The following WASHC5 variants were observed in gnomAD, a reference collection of about 807,000 sequenced individuals.
WASHC5 encodes WASH complex subunit 5.
In WASHC5, 101 loss-of-function variants were observed where a neutral mutation model predicts 150.4. The observed-to-expected ratio is 0.67, with a 90% CI of 0.57 to 0.79. WASHC5 has a LOEUF of 0.79. Ranked by LOEUF, WASHC5 falls within the 30% of genes least tolerant of loss-of-function variation. WASHC5 has a pLI of 0.00. For missense variants in WASHC5, 1,195 were observed against 1,396.3 expected (o/e 0.86, Z 2.30); for synonymous variants, 467 against 491.2 (o/e 0.95, Z 0.65).
intron 21 of WASHC5, 124 bp downstream of exon 21, chr8:125,044,412 A>G: frequency 9.6e-7 from 1 of 1,046,344 alleles, no homozygotes; most frequent in Non-Finnish European, 1.5e-6. Context: ...TAGGTATCAT[A>G]TGCCTAAAGT....
chr8:125,064,188 G>T (rs968640362), intron 10 of WASHC5, among the ~76,000 whole-genome samples: 2 of 151,650 alleles, frequency 1.3e-5, no homozygotes, highest in African/African-American at 4.8e-5. Context: ...ACAAGTAATT[G>T]TGTTTATTGT....
At chr8:125,034,189 C>T (rs1815628398) in intron 26 of WASHC5, among the ~76,000 whole-genome samples, 1 of 151,952 alleles carries the variant, frequency 6.6e-6, no homozygotes, top group African/African-American at 2.4e-5. Flanking sequence ...AACAAGATAC[C>T]ATAGATACCC....
chr8:125,090,846 T>A (rs1015067028), intron 1 of WASHC5, among the ~76,000 whole-genome samples: 4 of 152,180 alleles, frequency 2.6e-5, no homozygotes, highest in Non-Finnish European at 5.9e-5. Flanking sequence ...ATATAACGGT[T>A]GCTGATCAAG....
At chr8:125,048,908 T>C (rs772322111) in intron 19 of WASHC5, 98 bp downstream of exon 19, 12 of 973,832 alleles carry the variant, frequency 1.2e-5, no homozygotes, top group Admixed American at 7.7e-5. Flanking sequence ...TGAGACTATC[T>C]AGTAAACTTT....
intron 17 of WASHC5, among the ~76,000 whole-genome samples, chr8:125,052,978 A>G (rs1295523987): frequency 6.6e-6 from 1 of 152,236 alleles, no homozygotes; most frequent in Non-Finnish European, 1.5e-5. Flanking sequence ...CATCCAACAC[A>G]AAGCCTATTT....
chr8:125,083,808 T>G lies in WASHC5; in HGVS notation c.91A>C (p.Arg31=). 2 of 1,613,948 alleles carry G rather than the reference T, an allele frequency of 1.2e-6. No individual in the cohort carries two copies. The highest frequency in any genetic ancestry group is 1.7e-6 in the Non-Finnish European group (2 of 1,179,898). The part of the protein sequence containing the change: ...CGNAIIAELL[R]LSEFIPAVFR... ...ACAGCAGGAATAAACTCAGAGAGTCTCAAAAGTTCAGCAATGATGGCATTA... is the reference window on the plus strand; with the variant it reads ...ACAGCAGGAATAAACTCAGAGAGTCGCAAAAGTTCAGCAATGATGGCATTA... Residue 31 remains arginine, a synonymous_variant, in exon 2 of 29, where the codon AGA becomes CGA. Coordinates refer to ENST00000318410, the MANE Select transcript of WASHC5 (RefSeq NM_014846.4).
Position 125,037,343 on chromosome 8 carries a change from G to T in WASHC5, c.3085-10C>A, listed in dbSNP as rs765050789. ...TTGTTGTTATGTATATCTGGAAAGA[G>T]AAAGGTAAGAAAAATAGATGGTTAA... On this transcript the variant is annotated splice_polypyrimidine_tract_variant and intron_variant, in intron 25 of 28. Transcript: ENST00000318410. The T allele has an allele frequency of 2.7e-6, 4 of 1,467,044 alleles. No individual in the cohort carries two copies. Among genetic ancestry groups the T allele is most frequent in the Non-Finnish European group, 3.8e-6 (4 of 1,046,138 alleles). The allele number at this position is 1,467,044 out of a possible 1,614,324, so 90.9% of individuals were successfully genotyped here.
intron 28 of WASHC5, among the ~76,000 whole-genome samples, chr8:125,025,653 A>G (rs1815357641): frequency 6.6e-6 from 1 of 152,136 alleles, no homozygotes; most frequent in Non-Finnish European, 1.5e-5. Context: ...TCACTACTGC[A>G]CTCCAGCCTG....
intron 26 of WASHC5, among the ~76,000 whole-genome samples, chr8:125,036,636 T>C (rs1469719036): frequency 1.4e-5 from 2 of 143,790 alleles, no homozygotes; most frequent in Non-Finnish European, 2.9e-5. Flanking sequence ...TGTGCCACTG[T>C]ACTCCCATCT....
chr8:125,030,277 G>C (rs1005528237), intron 27 of WASHC5, among the ~76,000 whole-genome samples: 4 of 152,180 alleles, frequency 2.6e-5, no homozygotes, highest in African/African-American at 9.7e-5. Flanking sequence ...GGCCAGAGGC[G>C]CTGGGTTTTT....
intron 8 of WASHC5, among the ~76,000 whole-genome samples, chr8:125,074,623 T>C (rs953613435): frequency 6.6e-6 from 1 of 152,194 alleles, no homozygotes; most frequent in Non-Finnish European, 1.5e-5. Context: ...ATTATCCATA[T>C]TCAGTTATCA....
intron 12 of WASHC5, among the ~76,000 whole-genome samples, chr8:125,060,162 G>A (rs1563623402): frequency 6.6e-6 from 1 of 152,120 alleles, no homozygotes; most frequent in East Asian, 1.9e-4. Flanking sequence ...ATTGGATAGG[G>A]TTATAGATTA....
intron 21 of WASHC5, 113 bp from the exon 22 acceptor site, chr8:125,044,207 C>A: frequency 1.3e-6 from 1 of 780,524 alleles, no homozygotes; most frequent in South Asian, 1.5e-5. Context: ...TCACACAAAA[C>A]CTCTAAACAG....
chr8:125,085,987 A>T (rs536664171), intron 1 of WASHC5, among the ~76,000 whole-genome samples: 138 of 152,260 alleles, frequency 9.1e-4, no homozygotes, highest in African/African-American at 3.3e-3. Flanking sequence ...CAATCTGATT[A>T]TAATAATGTG....
chr8:125,063,447 C>A (rs1036354291), intron 11 of WASHC5, 75 bp downstream of exon 11: 1 of 1,471,556 alleles, frequency 6.8e-7, no homozygotes, highest in Non-Finnish European at 9.5e-7. Context: ...GTCTTTTTAA[C>A]CTGCCAGTTT....
At chr8:125,058,387 C>T (rs975598195) in intron 14 of WASHC5, among the ~76,000 whole-genome samples, 1 of 151,418 alleles carries the variant, frequency 6.6e-6, no homozygotes, top group Non-Finnish European at 1.5e-5. Context: ...ATCCCCCTCA[C>T]TCCCACGTCC....
At chr8:125,061,552 G>A (rs1003809859) in intron 11 of WASHC5, among the ~76,000 whole-genome samples, 4 of 152,136 alleles carry the variant, frequency 2.6e-5, no homozygotes, top group African/African-American at 4.8e-5. Flanking sequence ...TCAGATCATC[G>A]GAGAGATGAA....
At chr8:125,052,581 T>C (rs1451182021) in intron 17 of WASHC5, among the ~76,000 whole-genome samples, 1 of 148,094 alleles carries the variant, frequency 6.8e-6, no homozygotes, top group African/African-American at 2.5e-5. Flanking sequence ...TATATACACA[T>C]AGTTGCATGC....
intron 5 of WASHC5, among the ~76,000 whole-genome samples, chr8:125,079,185 CTTTTTTTTT>C (rs34211379): frequency 3.5e-5 from 2 of 57,560 alleles, no homozygotes; most frequent in African/African-American, 1.6e-4. Context: ...TATATATAAC[CTTTTTTTTT>C]TTTTTTTTTT....
Sources: allele counts gnomAD v4.1 joint callset (sites outside exome capture counted in the v4.1 genomes callset), GRCh38; gene constraint gnomAD v4.1.1; transcripts MANE v1.5; gene names NCBI Gene and HGNC (gene_info 2026-07-23, HGNC 2026-07-21).